The following TENM2 variants were observed in gnomAD, a reference collection of about 807,000 sequenced individuals.
The protein encoded by TENM2 is teneurin transmembrane protein 2.
In TENM2, 52 loss-of-function variants were observed where a neutral mutation model predicts 245.2. The observed-to-expected ratio is 0.21, with a 90% CI of 0.17 to 0.27. TENM2 has a LOEUF of 0.27. Ranked by LOEUF, TENM2 falls within the 10% of genes least tolerant of loss-of-function variation. The pLI, the probability that TENM2 is intolerant of heterozygous loss-of-function variation, is 1.00. For missense variants in TENM2, 3,046 were observed against 3,666.8 expected (o/e 0.83, Z 4.37); for synonymous variants, 1,363 against 1,438.9 (o/e 0.95, Z 1.19).
At chr5:167,528,831 C>G (rs1771293385) in intron 2 of TENM2, among the ~76,000 whole-genome samples, 1 of 152,210 alleles carries the variant, frequency 6.6e-6, no homozygotes, top group Admixed American at 6.5e-5. Context: ...TCTCTCCTTG[C>G]TGTGTGTTTG....
chr5:167,688,319 G>A (rs1757211290), intron 2 of TENM2, among the ~76,000 whole-genome samples: 1 of 152,028 alleles, frequency 6.6e-6, no homozygotes, highest in Non-Finnish European at 1.5e-5. Context: ...ATGTTTTTAT[G>A]TATTCTTCTG....
chr5:168,085,962 G>A (rs1360010089), intron 7 of TENM2, among the ~76,000 whole-genome samples: 3 of 152,180 alleles, frequency 2.0e-5, no homozygotes, highest in Non-Finnish European at 4.4e-5. Flanking sequence ...GGCTTCCCCG[G>A]GAAATGTCAG....
At chr5:167,990,120 C>G (rs1580984168) in intron 4 of TENM2, among the ~76,000 whole-genome samples, 1 of 152,200 alleles carries the variant, frequency 6.6e-6, no homozygotes, top group East Asian at 1.9e-4. Context: ...ACTACTCACT[C>G]TGGGAGAATC....
intron 3 of TENM2, among the ~76,000 whole-genome samples, chr5:167,888,958 G>A (rs1774515197): frequency 1.3e-5 from 2 of 152,092 alleles, no homozygotes. Flanking sequence ...CAGCATCTTG[G>A]AGTTGAACCA....
At chr5:167,773,232 GC>G (rs1172117386) in intron 2 of TENM2, among the ~76,000 whole-genome samples, 13 of 152,274 alleles carry the variant, frequency 8.5e-5, no homozygotes, top group African/African-American at 2.9e-4. Context: ...TTGATGTTCT[GC>G]CTACTTGGAG....
intron 2 of TENM2, among the ~76,000 whole-genome samples, chr5:167,725,040 C>A (rs1197450714): frequency 6.6e-6 from 1 of 152,088 alleles, no homozygotes; most frequent in Non-Finnish European, 1.5e-5. Flanking sequence ...TATTTATTCT[C>A]CATTAAAATA....
At chr5:166,992,963 G>A in the TENM2 span, among the ~76,000 whole-genome samples, 3 of 152,018 alleles carry the variant, frequency 2.0e-5, no homozygotes, top group African/African-American at 4.8e-5. Flanking sequence ...GCTCAGTTGC[G>A]CATTGCCAGA....
At chr5:168,079,308 T>A (rs551394695) in intron 7 of TENM2, among the ~76,000 whole-genome samples, 20 of 152,392 alleles carry the variant, frequency 1.3e-4, no homozygotes, top group Admixed American at 2.6e-4. Context: ...TGAAGTTGCT[T>A]ATCAGCTTAA....
At chr5:167,758,013 C>T (rs1188323389) in intron 2 of TENM2, among the ~76,000 whole-genome samples, 1 of 152,150 alleles carries the variant, frequency 6.6e-6, no homozygotes, top group African/African-American at 2.4e-5. Flanking sequence ...TGCCTTCATG[C>T]ATCTGTCAAT....
intron 5 of TENM2, among the ~76,000 whole-genome samples, chr5:168,006,277 A>G (rs1784811083): frequency 2.6e-5 from 4 of 152,170 alleles, no homozygotes; most frequent in Admixed American, 2.6e-4. Context: ...AGACTACCCT[A>G]AAGCTGAATG....
intron 26 of TENM2, among the ~76,000 whole-genome samples, chr5:168,245,189 G>A (rs1395256902): frequency 7.5e-6 from 1 of 133,438 alleles, no homozygotes; most frequent in African/African-American, 2.8e-5. Flanking sequence ...AAAATCTGAA[G>A]GCAAATGTTA....
chr5:167,484,662 T>G (rs1044486845), intron 2 of TENM2, among the ~76,000 whole-genome samples: 4 of 152,138 alleles, frequency 2.6e-5, no homozygotes, highest in African/African-American at 9.7e-5. Flanking sequence ...CTTACAACAA[T>G]GAACTACATT....
At chr5:167,754,492 A>G (rs376881237) in intron 2 of TENM2, among the ~76,000 whole-genome samples, 2 of 152,202 alleles carry the variant, frequency 1.3e-5, no homozygotes, top group South Asian at 2.1e-4. Context: ...TGAACATTCT[A>G]TAGCATCCGT....
Position 167,602,024 on chromosome 5 carries a change from G to GA in TENM2, c.502+226563dup, listed in dbSNP as rs35674224. On this transcript the variant is annotated intron_variant, in intron 2 of 28. Transcript: ENST00000518659. ...GAAGAAGATAGGGTATTATTGGATAGAAAAAAAAAAAACACAGAGAAGGTA... is the reference window on the plus strand; with the variant it reads ...GAAGAAGATAGGGTATTATTGGATAGAAAAAAAAAAAAACACAGAGAAGGTA... 3.7e-3 allele frequency among the ~76,000 whole-genome samples: 535 copies of GA among 145,674 alleles called. 2 individuals are homozygous for GA. Among genetic ancestry groups the GA allele is most frequent in the East Asian group, 6.5e-3 (32 of 4,926 alleles).
chr5:167,569,267 A>G (rs1019360336), intron 2 of TENM2, among the ~76,000 whole-genome samples: 5 of 152,040 alleles, frequency 3.3e-5, no homozygotes, highest in African/African-American at 1.2e-4. Context: ...AAATGTGTTT[A>G]AAAACTTAAT....
chr5:167,338,622 C>T lies in TENM2; in HGVS notation c.227-36576C>T, dbSNP rs369978466. ...AAGAGACTAAGGCAGTACAGTCCTA[C>T]AGTGTGTCTTGAGGGAAGGTAACCC... On this transcript the variant is annotated intron_variant, in intron 1 of 28. Transcript: ENST00000518659. Among the ~76,000 whole-genome samples the T allele has an allele frequency of 4.2e-4, 64 of 152,316 alleles. 1 individual carries two copies. Among genetic ancestry groups the T allele is most frequent in the African/African-American group, 1.5e-3 (61 of 41,562 alleles).
intron 2 of TENM2, among the ~76,000 whole-genome samples, chr5:167,455,774 G>A (rs1765882417): frequency 6.6e-6 from 1 of 152,050 alleles, no homozygotes; most frequent in African/African-American, 2.4e-5. Flanking sequence ...GGTGATTATA[G>A]TTTTCAAGCT....
chr5:167,647,420 C>T (rs577336892), intron 2 of TENM2, among the ~76,000 whole-genome samples: 2 of 151,988 alleles, frequency 1.3e-5, no homozygotes, highest in East Asian at 3.9e-4. Flanking sequence ...GTCGGGAGTT[C>T]GAGATAAGCC....
chr5:167,672,021 A>G (rs1332726114), intron 2 of TENM2, among the ~76,000 whole-genome samples: 1 of 152,034 alleles, frequency 6.6e-6, no homozygotes, highest in African/African-American at 2.4e-5. Context: ...TAGTGCTTGC[A>G]TTTCTGCTCT....
Sources: allele counts gnomAD v4.1 joint callset (sites outside exome capture counted in the v4.1 genomes callset), GRCh38; gene constraint gnomAD v4.1.1; transcripts MANE v1.5; gene names NCBI Gene and HGNC (gene_info 2026-07-23, HGNC 2026-07-21).